Variants in DUSP22 observed in about 807,000 individuals in gnomAD.
DUSP22 encodes the protein dual specificity protein phosphatase 22.
Under a neutral mutation model 24.5 loss-of-function variants are expected in DUSP22, and 24 were observed. That is an observed-to-expected ratio of 0.98 (90% confidence interval 0.71 to 1.38). The LOEUF is 1.38. Ranked by LOEUF, DUSP22 falls within the 40% of genes most tolerant of loss-of-function variation. The pLI is 0.00. For synonymous variants in DUSP22, 160 were observed against 106.4 expected, an observed-to-expected ratio of 1.50 and a Z score of -3.10; for missense variants, 330 against 269.2, an observed-to-expected ratio of 1.23 and a Z score of -1.58.
At chr6:299,687 T>G (rs1357159746) in intron 1 of DUSP22, among the ~76,000 whole-genome samples, 3 of 152,302 alleles carry the variant, frequency 2.0e-5, no homozygotes, top group Non-Finnish European at 2.9e-5. Flanking sequence ...ATATTTAAAA[T>G]GTATGTAAAA....
intron 3 of DUSP22, among the ~76,000 whole-genome samples, chr6:321,055 C>T (rs1157353212): frequency 6.6e-6 from 1 of 152,306 alleles, no homozygotes; most frequent in African/African-American, 2.4e-5. Flanking sequence ...GCAGGGCAGA[C>T]AAGACAGCAA....
Position 293,290 on chromosome 6 carries a change from A to G in DUSP22, c.21+730A>G, listed in dbSNP as rs1384237128. On this transcript the variant is annotated intron_variant, in intron 1 of 6. Coordinates refer to ENST00000419235, the MANE Select transcript of DUSP22 (RefSeq NM_001286555.3). ...GGCGGTGGGCTAGCCTTTCCCGTCC[A>G]GGGAAGTTGCCAGATTCCAGCTCTG... 3.3e-5 allele frequency among the ~76,000 whole-genome samples: 5 copies of G among 152,404 alleles called. No individual in the cohort carries two copies. In the South Asian group the frequency reaches 8.3e-4, roughly 25 times the overall value.
At chr6:338,644 C>A (rs1759466946) in intron 4 of DUSP22, among the ~76,000 whole-genome samples, 2 of 152,274 alleles carry the variant, frequency 1.3e-5, no homozygotes, top group African/African-American at 4.8e-5. Flanking sequence ...GCTCTTTAGC[C>A]ACTTAAAAAA....
chr6:310,041 A>G (rs1488757384), intron 2 of DUSP22, among the ~76,000 whole-genome samples: 10 of 152,292 alleles, frequency 6.6e-5, no homozygotes, highest in Non-Finnish European at 1.0e-4. Context: ...GCTCACTGCA[A>G]CCTCCGCCTC....
intron 3 of DUSP22, among the ~76,000 whole-genome samples, chr6:324,633 C>T (rs1006819751): frequency 4.6e-5 from 7 of 152,310 alleles, no homozygotes; most frequent in Admixed American, 1.3e-4. Context: ...CCATGCAGAA[C>T]TGGCCAGCCC....
chr6:349,493 C>G lies in DUSP22; in HGVS notation c.*542C>G, dbSNP rs1208199077. The G allele has an allele frequency of 1.0e-6, 1 of 997,686 alleles. No individual in the cohort carries two copies. Among genetic ancestry groups the G allele is most frequent in the Non-Finnish European group, 1.2e-6 (1 of 838,010 alleles). The allele number at this position is 997,686 out of a possible 1,614,324, so 61.8% of individuals were successfully genotyped here. On this transcript the variant is annotated 3_prime_UTR_variant, in exon 7 of 7. Coordinates refer to ENST00000419235, the MANE Select transcript of DUSP22 (RefSeq NM_001286555.3). ...ACCCAGCAAAGAGCAGTCTGTGCCT[C>G]TGAGCAGACCGTGAGAACTCAGGGG... is the stretch of plus-strand genomic sequence containing the variant.
Position 348,906 on chromosome 6 carries a change from G to C in DUSP22, c.573G>C (p.Pro191=). Residue 191 remains proline (P), a synonymous_variant, in exon 7 of 7, where the codon CCG becomes CCC. Coordinates refer to ENST00000419235, the MANE Select transcript of DUSP22 (RefSeq NM_001286555.3). ...GCGCCAGGCGGTGGAGCAGTTTTCC[G>C]GCACTGGCTCCGCTGACCTACGATA... ...QPGARRWSSF[P]ALAPLTYDNY... The C allele has an allele frequency of 6.2e-7, 1 of 1,611,744 alleles. No individual in the cohort carries two copies. Among genetic ancestry groups the C allele is most frequent in the Non-Finnish European group, 8.5e-7 (1 of 1,178,836 alleles).
Position 335,140 on chromosome 6 carries a change from A to G in DUSP22, c.165A>G (p.Ala55=). The part of the protein sequence containing the change: ...LEGVKYLCIP[A]ADSPSQNLTR... ...GAGTTAAATACCTGTGCATCCCAGCAGCGGATTCACCATCTCAAAACCTGT... is the reference window on the plus strand; with the variant it reads ...GAGTTAAATACCTGTGCATCCCAGCGGCGGATTCACCATCTCAAAACCTGT... Residue 55 remains alanine (A), a synonymous_variant, in exon 4 of 7, where the codon GCA becomes GCG. Coordinates refer to ENST00000419235, the MANE Select transcript of DUSP22 (RefSeq NM_001286555.3). The G allele has an allele frequency of 1.9e-6, 3 of 1,613,932 alleles. No homozygotes were observed. The highest frequency in any genetic ancestry group is 2.5e-6 in the Non-Finnish European group (3 of 1,179,748).
At chr6:317,787 C>T (rs1758400620) in intron 3 of DUSP22, among the ~76,000 whole-genome samples, 1 of 152,304 alleles carries the variant, frequency 6.6e-6, no homozygotes, top group African/African-American at 2.4e-5. Flanking sequence ...ACGCAGGGGC[C>T]CCTCTGCAGA....
intron 3 of DUSP22, among the ~76,000 whole-genome samples, chr6:313,210 T>C (rs1581158360): frequency 6.6e-6 from 1 of 152,308 alleles, no homozygotes; most frequent in African/African-American, 2.4e-5. Context: ...AGGCTTGAGG[T>C]TTCCTTTATT....
At chr6:307,157 T>C (rs1757845913) in intron 2 of DUSP22, among the ~76,000 whole-genome samples, 1 of 152,310 alleles carries the variant, frequency 6.6e-6, no homozygotes, top group South Asian at 2.1e-4. Flanking sequence ...GCATCTCATA[T>C]AGTCATTTAT....
chr6:341,358 G>T (rs1479286863), intron 4 of DUSP22, among the ~76,000 whole-genome samples: 1 of 152,310 alleles, frequency 6.6e-6, no homozygotes, highest in African/African-American at 2.4e-5. Context: ...TCGCACTTCT[G>T]CTTCTAACTG....
chr6:303,716 T>A (rs1368191140), intron 1 of DUSP22, among the ~76,000 whole-genome samples: 1 of 152,308 alleles, frequency 6.6e-6, no homozygotes, highest in Non-Finnish European at 1.5e-5. Context: ...ACTGTGTTCT[T>A]ATTTAAATTT....
At chr6:345,827 G>A (rs560306784) in intron 4 of DUSP22, 27 bp from the exon 5 acceptor site, 5 of 1,612,996 alleles carry the variant, frequency 3.1e-6, no homozygotes, top group Non-Finnish European at 4.2e-6. Context: ...GTAGAGAGAT[G>A]TCATTTCTCT....
chr6:307,159 G>T (rs1165515982), intron 2 of DUSP22, among the ~76,000 whole-genome samples: 1 of 152,310 alleles, frequency 6.6e-6, no homozygotes, highest in Non-Finnish European at 1.5e-5. Flanking sequence ...ATCTCATATA[G>T]TCATTTATCC....
intron 6 of DUSP22, 177 bp from the exon 7 acceptor site, chr6:348,592 A>C: frequency 9.1e-7 from 1 of 1,099,324 alleles, no homozygotes; most frequent in Non-Finnish European, 1.3e-6. Context: ...TTGAAGGAGC[A>C]GTTCCTTCTC....
chr6:298,359 G>A (rs1429742811), intron 1 of DUSP22, among the ~76,000 whole-genome samples: 1 of 152,298 alleles, frequency 6.6e-6, no homozygotes, highest in Non-Finnish European at 1.5e-5. Flanking sequence ...AGTCCTTTCT[G>A]ACATAGAAAG....
At chr6:303,722 A>G (rs539546219) in intron 1 of DUSP22, among the ~76,000 whole-genome samples, 471 of 152,210 alleles carry the variant, frequency 3.1e-3, no homozygotes, top group African/African-American at 0.011. Context: ...TTCTTATTTA[A>G]ATTTCAGAGT....
intron 2 of DUSP22, among the ~76,000 whole-genome samples, chr6:309,019 A>G (rs1415212606): frequency 6.6e-6 from 1 of 152,302 alleles, no homozygotes; most frequent in Non-Finnish European, 1.5e-5. Context: ...AAAATGTCCC[A>G]TGCTGGTGGC....
Sources: allele counts gnomAD v4.1 joint callset (sites outside exome capture counted in the v4.1 genomes callset), GRCh38; gene constraint gnomAD v4.1.1; transcripts MANE v1.5; gene names NCBI Gene and HGNC (gene_info 2026-07-23, HGNC 2026-07-21).